The following TMEM40 variants were observed in gnomAD, a reference collection of about 807,000 sequenced individuals.
TMEM40 encodes transmembrane protein 40.
A neutral mutation model predicts 40.8 loss-of-function variants in TMEM40; 34 were observed. The ratio of observed to expected loss-of-function variants is 0.83; its 90% CI spans 0.63 to 1.11. TMEM40 has a LOEUF of 1.11. Ranked by LOEUF, TMEM40 falls within the 50% of genes least tolerant of loss-of-function variation. TMEM40 has a pLI of 0.00. For missense variants in TMEM40, 296 were observed against 280.2 expected (o/e 1.06, Z -0.40); for synonymous variants, 106 against 107.0 (o/e 0.99, Z 0.06).
rs774718081 is a variant in TMEM40, at chr3:12,742,480, A to T, written c.329T>A (p.Leu110Ter). The T allele has an allele frequency of 6.2e-7, 1 of 1,614,022 alleles. No homozygotes were observed. The highest frequency in any genetic ancestry group is 1.1e-5 in the South Asian group (1 of 91,062). Residue 110 changes from leucine to a stop codon, truncating the protein, a stop_gained, in exon 5 of 12, where the codon TTG becomes TAG. Transcript: ENST00000314124. LOFTEE classifies it high-confidence loss of function. ...PGPGHGEPDV[L>*]KDELQLYGDA... The stretch of plus-strand genomic sequence containing the variant: ...TCCATAGAGTTGAAGCTCATCCTTC[A>T]AAACGTCAGGCTCCCCATGCCCAGG...
intron 7 of TMEM40, 110 bp downstream of exon 7, chr3:12,738,026 G>A (rs923805357): frequency 1.3e-5 from 18 of 1,375,974 alleles, no homozygotes; most frequent in Admixed American, 7.6e-5. Context: ...ACTGGCTGGC[G>A]ACAGCATCCC....
At chr3:12,760,522 C>T (rs1227130964), upstream of TMEM40, among the ~76,000 whole-genome samples, 1 of 152,034 alleles carries the variant, frequency 6.6e-6, no homozygotes, top group Non-Finnish European at 1.5e-5. Context: ...AGAAAGCCAC[C>T]TGGCCCCCCG....
At chr3:12,755,233 C>CTCTTTCTTTCTTTCTTTCTTTCTTTCTT (rs749104547) in intron 1 of TMEM40, among the ~76,000 whole-genome samples, 9 of 59,958 alleles carry the variant, frequency 1.5e-4, no homozygotes, top group Non-Finnish European at 3.0e-4. Context: ...CTCTCTCTCT[C>CTCTTTCTTTCTTTCTTTCTTTCTTTCTT]TCTTTCTTTC....
In TMEM40 at chr3:12,737,698, G is replaced by C. The variant is rs1479040338; in HGVS notation, c.472+9C>G. The C allele has an allele frequency of 6.2e-7, 1 of 1,613,918 alleles. No individual in the cohort carries two copies. The highest frequency in any genetic ancestry group is 8.5e-7 in the Non-Finnish European group (1 of 1,179,882). On this transcript the variant is annotated intron_variant, in intron 8 of 11. Coordinates refer to ENST00000314124, the MANE Select transcript of TMEM40 (RefSeq NM_018306.4). ...GGAAAAAGCAGCTCTGCTACACCAA[G>C]TTCCTTACCATCTTTCTTTATATTC...
intron 1 of TMEM40, among the ~76,000 whole-genome samples, chr3:12,756,229 G>C (rs1375558258): frequency 2.0e-5 from 3 of 152,134 alleles, no homozygotes; most frequent in South Asian, 2.1e-4. Context: ...TTGAAAGGTG[G>C]ATTTCCACCC....
intron 4 of TMEM40, 143 bp from the exon 5 acceptor site, chr3:12,742,650 C>T: frequency 1.1e-6 from 1 of 875,980 alleles, no homozygotes; most frequent in Non-Finnish European, 1.8e-6. Context: ...GGAGGCAAGG[C>T]AGCACAAGTA....
At chr3:12,744,579 A>G (rs2061412418) in intron 3 of TMEM40, among the ~76,000 whole-genome samples, 1 of 152,108 alleles carries the variant, frequency 6.6e-6, no homozygotes, top group Admixed American at 6.5e-5. Context: ...CTCTCCAACC[A>G]TTTCATCTCC....
chr3:12,746,090 G>T (rs1248430704), intron 3 of TMEM40, among the ~76,000 whole-genome samples: 1 of 151,448 alleles, frequency 6.6e-6, no homozygotes, highest in African/African-American at 2.4e-5. Context: ...TAGAGACGAG[G>T]TTTCACCATG....
chr3:12,747,627 A>G (rs1390376204), intron 3 of TMEM40, among the ~76,000 whole-genome samples: 1 of 152,066 alleles, frequency 6.6e-6, no homozygotes, highest in African/African-American at 2.4e-5. Flanking sequence ...ATGTTATTGG[A>G]GGCCAGGCAC....
intron 1 of TMEM40, among the ~76,000 whole-genome samples, chr3:12,764,675 G>C (rs2061586194): frequency 6.6e-6 from 1 of 152,146 alleles, no homozygotes; most frequent in Admixed American, 6.6e-5. Flanking sequence ...TGTTTCACCT[G>C]TAAAATGGGC....
intron 5 of TMEM40, among the ~76,000 whole-genome samples, chr3:12,740,101 T>A (rs563342011): frequency 2.7e-5 from 4 of 147,784 alleles, no homozygotes; most frequent in African/African-American, 9.8e-5. Context: ...ATTTATTTAT[T>A]TATTTATTTT....
chr3:12,738,070 A>G (rs1389360579), intron 7 of TMEM40, 66 bp downstream of exon 7: 30 of 1,597,878 alleles, frequency 1.9e-5, no homozygotes, highest in Non-Finnish European at 2.4e-5. Flanking sequence ...AGGCTGTCTG[A>G]GGACCCAACC....
intron 1 of TMEM40, among the ~76,000 whole-genome samples, chr3:12,752,724 G>A (rs1357581528): frequency 3.3e-5 from 5 of 152,008 alleles, no homozygotes; most frequent in Admixed American, 2.6e-4. Context: ...CTTGAACCCC[G>A]GAGGCAGAGG....
intron 11 of TMEM40, 86 bp downstream of exon 11, chr3:12,735,469 G>T (rs2061330363): frequency 7.1e-7 from 1 of 1,398,752 alleles, no homozygotes; most frequent in Non-Finnish European, 1.0e-6. Flanking sequence ...TCCAGGCTGT[G>T]TTCTTTCCTG....
At chr3:12,762,321 CAT>C (rs1175782861), upstream of TMEM40, among the ~76,000 whole-genome samples, 1 of 152,182 alleles carries the variant, frequency 6.6e-6, no homozygotes, top group Non-Finnish European at 1.5e-5. Context: ...CTATTTTTAA[CAT>C]AGTTACTGAA....
intron 4 of TMEM40, 154 bp from the exon 5 acceptor site, chr3:12,742,661 C>T (rs2061393160): frequency 1.3e-6 from 1 of 796,058 alleles, no homozygotes; most frequent in African/African-American, 1.7e-5. Context: ...AGCACAAGTA[C>T]CTTCCCTTTG....
At chr3:12,751,549 A>G (rs553758369) in intron 1 of TMEM40, among the ~76,000 whole-genome samples, 1 of 152,094 alleles carries the variant, frequency 6.6e-6, no homozygotes, top group African/African-American at 2.4e-5. Context: ...AAGTGCTGGG[A>G]TTACAGGCGT....
At chr3:12,734,880 C>T in intron 11 of TMEM40, 87 bp from the exon 12 acceptor site, 1 of 1,486,430 alleles carries the variant, frequency 6.7e-7, no homozygotes, top group East Asian at 2.5e-5. Context: ...CCAAGTACCC[C>T]TCACAGCTGG....
At chr3:12,745,561 G>A (rs1036967854) in intron 3 of TMEM40, among the ~76,000 whole-genome samples, 5 of 152,228 alleles carry the variant, frequency 3.3e-5, no homozygotes, top group African/African-American at 4.8e-5. Context: ...TGATCTTCAC[G>A]CCCCAGCCTC....
Sources: gnomAD v4.1 joint callset for allele counts (sites outside exome capture counted in the v4.1 genomes callset) on GRCh38, gnomAD v4.1.1 for gene constraint, MANE v1.5 for transcripts, NCBI Gene and HGNC (gene_info 2026-07-23, HGNC 2026-07-21) for gene names.